The following CRPPA variants were observed in gnomAD, a reference collection of about 807,000 sequenced individuals.
The protein encoded by CRPPA is D-ribitol-5-phosphate cytidylyltransferase.
Under a neutral mutation model 52.0 loss-of-function variants are expected in CRPPA, and 43 were observed. That is an observed-to-expected ratio of 0.83 (90% CI 0.65 to 1.07). The LOEUF is 1.07. Ranked by LOEUF, CRPPA falls within the 50% of genes least tolerant of loss-of-function variation. The pLI is 0.00. For synonymous variants in CRPPA, 250 were observed against 203.5 expected (o/e 1.23, Z -1.94); for missense variants, 629 against 551.7 (o/e 1.14, Z -1.40).
intron 2 of CRPPA, among the ~76,000 whole-genome samples, chr7:16,383,608 C>A (rs1208585908): frequency 2.0e-5 from 3 of 152,254 alleles, no homozygotes; most frequent in Non-Finnish European, 2.9e-5. Context: ...GTGGAGCCTA[C>A]AGAGGCAGGC....
chr7:16,303,579 C>T (rs1784840933), intron 4 of CRPPA, among the ~76,000 whole-genome samples: 3 of 149,152 alleles, frequency 2.0e-5, no homozygotes, highest in Non-Finnish European at 3.0e-5. Context: ...TCTTTCCCTT[C>T]ACAATAAATA....
At position 16,089,440 on chromosome 7, in the gene CRPPA, T is replaced by C; in HGVS notation, c.*2255A>G. The C allele has an allele frequency of 5.7e-6, 2 of 349,576 alleles. No homozygotes were observed. Among genetic ancestry groups the C allele is most frequent in the Admixed American group, 5.0e-5 (2 of 39,810 alleles). 21.7% of individuals were successfully genotyped at this position (349,576 alleles called of 1,614,324 possible). A position where few individuals can be genotyped will look rare whatever the true frequency, so the allele number is the denominator to read the frequency against. On this transcript the variant is annotated 3_prime_UTR_variant, in exon 10 of 10. Coordinates refer to ENST00000407010, the MANE Select transcript of CRPPA (RefSeq NM_001101426.4). ...ACGTACATACATATATGTGTATATA[T>C]GTACGTGCATACATATATGTGTATA...
At chr7:16,334,113 C>T (rs1274503036) in intron 3 of CRPPA, among the ~76,000 whole-genome samples, 1 of 152,058 alleles carries the variant, frequency 6.6e-6, no homozygotes, top group South Asian at 2.1e-4. Context: ...TTGGTGGTTG[C>T]TCTACATTCT....
At chr7:16,420,812 A>G (rs1788312610) in intron 1 of CRPPA, among the ~76,000 whole-genome samples, 1 of 152,044 alleles carries the variant, frequency 6.6e-6, no homozygotes, top group African/African-American at 2.4e-5. Flanking sequence ...GCGCCACACG[A>G]CGGGCCTTCC....
At chr7:16,301,934 TA>T (rs1352827668) in intron 4 of CRPPA, among the ~76,000 whole-genome samples, 1 of 152,186 alleles carries the variant, frequency 6.6e-6, no homozygotes, top group Non-Finnish European at 1.5e-5. Context: ...CGTATGAACC[TA>T]GATAAGATTC....
chr7:16,126,170 C>T (rs1782576826), intron 9 of CRPPA, among the ~76,000 whole-genome samples: 1 of 151,834 alleles, frequency 6.6e-6, no homozygotes, highest in Non-Finnish European at 1.5e-5. Context: ...GAAGTAAGTA[C>T]CAATAAAGCT....
intron 5 of CRPPA, among the ~76,000 whole-genome samples, chr7:16,300,904 CT>C (rs1784777922): frequency 6.6e-6 from 1 of 152,084 alleles, no homozygotes; most frequent in South Asian, 2.1e-4. Context: ...TGAAAAAGAA[CT>C]AAAAAAGAGT....
At position 16,287,136 on chromosome 7, in the gene CRPPA, A is replaced by T. The variant is rs546460025; in HGVS notation, c.836-8910T>A. Reference sequence around the variant, plus strand: ...TAAAGCAGTATGAATTATTTTCCCCATTTTATAGATCAATAAAAGGTGTCT... The same window carrying T: ...TAAAGCAGTATGAATTATTTTCCCCTTTTTATAGATCAATAAAAGGTGTCT... On this transcript the variant is annotated intron_variant, in intron 5 of 9. Transcript: ENST00000407010. Among the ~76,000 whole-genome samples, 10 of 152,256 alleles carry T rather than the reference A, an allele frequency of 6.6e-5. No homozygotes were observed. In the East Asian group the frequency reaches 1.9e-3, roughly 29 times the overall value.
rs576231287 is a variant in CRPPA at position 16,383,555 on chromosome 7, G to C, written c.535-7314C>G. 5.9e-5 allele frequency among the ~76,000 whole-genome samples: 9 copies of C among 152,360 alleles called. No homozygotes were observed. In the East Asian group the frequency reaches 1.7e-3, roughly 30 times the overall value. ...AGACAGGAACACTTAAGTCTGCAGA[G>C]GTTACTGCTGTCTTTTTGTTTGTCT... On this transcript the variant is annotated intron_variant, in intron 2 of 9. Transcript: ENST00000407010.
intron 3 of CRPPA, among the ~76,000 whole-genome samples, chr7:16,348,100 A>C (rs2128307334): frequency 6.6e-6 from 1 of 152,208 alleles, no homozygotes. Context: ...CAAGGAGATA[A>C]AGGGTCAGCT....
At chr7:16,233,937 T>C (rs889905575) in intron 8 of CRPPA, among the ~76,000 whole-genome samples, 7 of 152,116 alleles carry the variant, frequency 4.6e-5, no homozygotes, top group Non-Finnish European at 7.4e-5. Context: ...GTCCGTTTAA[T>C]TGAAAATGAT....
At chr7:16,420,244 C>T (rs1488095774) in intron 1 of CRPPA, among the ~76,000 whole-genome samples, 1 of 152,200 alleles carries the variant, frequency 6.6e-6, no homozygotes, top group Non-Finnish European at 1.5e-5. Flanking sequence ...CACAGCTCCC[C>T]ACTGGCTTCA....
At chr7:16,392,128 T>A (rs935502481) in intron 2 of CRPPA, among the ~76,000 whole-genome samples, 2 of 152,168 alleles carry the variant, frequency 1.3e-5, no homozygotes, top group African/African-American at 4.8e-5. Context: ...ATGAAAAATT[T>A]TAACCAGGTA....
chr7:16,362,257 G>T (rs1270480963), intron 3 of CRPPA, among the ~76,000 whole-genome samples: 1 of 152,168 alleles, frequency 6.6e-6, no homozygotes, highest in Non-Finnish European at 1.5e-5. Context: ...TTCTCACAGC[G>T]TGGAGGCTGG....
chr7:16,303,588 TA>T (rs138495598), intron 4 of CRPPA, among the ~76,000 whole-genome samples: 3,187 of 148,488 alleles, frequency 0.021, 107 homozygotes, highest in African/African-American at 0.074. Context: ...TCACAATAAA[TA>T]GGCAAAACTT....
At chr7:16,365,549 C>A (rs957967736) in intron 3 of CRPPA, among the ~76,000 whole-genome samples, 3 of 152,026 alleles carry the variant, frequency 2.0e-5, no homozygotes, top group Admixed American at 6.6e-5. Flanking sequence ...CTACATAAAG[C>A]AACATAATAG....
intron 9 of CRPPA, among the ~76,000 whole-genome samples, chr7:16,191,863 T>C (rs1364115849): frequency 6.6e-6 from 1 of 152,118 alleles, no homozygotes; most frequent in Non-Finnish European, 1.5e-5. Flanking sequence ...TCTCTTACCA[T>C]ATAAGTTTCT....
chr7:16,408,254 G>T (rs182157105), intron 1 of CRPPA, among the ~76,000 whole-genome samples: 5 of 152,326 alleles, frequency 3.3e-5, no homozygotes, highest in Non-Finnish European at 1.5e-5. Flanking sequence ...GTTCAAGACA[G>T]CATGTAGGCT....
chr7:16,199,097 G>T (rs1346979291), intron 9 of CRPPA, among the ~76,000 whole-genome samples: 1 of 152,094 alleles, frequency 6.6e-6, no homozygotes, highest in Non-Finnish European at 1.5e-5. Flanking sequence ...CTCTCTCCCA[G>T]ACTTCCAATA....
Sources: gnomAD v4.1 joint callset for allele counts (sites outside exome capture counted in the v4.1 genomes callset) on GRCh38, gnomAD v4.1.1 for gene constraint, MANE v1.5 for transcripts, NCBI Gene and HGNC (gene_info 2026-07-23, HGNC 2026-07-21) for gene names.